SLA: variants seen among roughly 807,000 people sequenced by gnomAD.
SLA encodes the protein src-like-adapter.
A neutral mutation model predicts 30.3 loss-of-function variants in SLA; 16 were observed. The observed-to-expected ratio is 0.53, with a 90% CI of 0.36 to 0.80. The LOEUF (loss-of-function observed/expected upper bound fraction) is 0.80. Ranked by LOEUF, SLA falls within the 30% of genes least tolerant of loss-of-function variation. The pLI is 0.01. For synonymous variants in SLA, 143 were observed against 137.8 expected (o/e 1.04, Z -0.26); for missense variants, 310 against 345.2 (o/e 0.90, Z 0.81).
chr8:133,051,095 G>C (rs1033367547), intron 3 of SLA, among the ~76,000 whole-genome samples, 180 bp from the exon 4 acceptor site: 1 of 152,200 alleles, frequency 6.6e-6, no homozygotes, highest in Non-Finnish European at 1.5e-5. Context: ...CAGGGTGTGC[G>C]TACGAGCCCT....
At chr8:133,085,377 T>G (rs531536649) in intron 1 of SLA, among the ~76,000 whole-genome samples, 5 of 152,268 alleles carry the variant, frequency 3.3e-5, no homozygotes, top group Admixed American at 6.5e-5. Context: ...ATTTAAAAAA[T>G]TCTGTGCTCC....
chr8:133,076,224 T>G (rs879109861), intron 1 of SLA: 2 of 152,216 alleles, frequency 1.3e-5, no homozygotes, highest in Non-Finnish European at 2.9e-5. Context: ...TTGAGTGATC[T>G]GTCCACAGTC....
At chr8:133,073,101 C>T (rs1175378615) in intron 2 of SLA, 1 of 152,176 alleles carries the variant, frequency 6.6e-6, no homozygotes, top group African/African-American at 2.4e-5. Context: ...AACTGGTCTT[C>T]TTTTTACAAG....
intron 2 of SLA, among the ~76,000 whole-genome samples, chr8:133,067,237 A>G (rs183386073): frequency 6.6e-6 from 1 of 152,270 alleles, no homozygotes; most frequent in East Asian, 1.9e-4. Flanking sequence ...CCCGTGACCC[A>G]CATAGTCCCC....
intron 1 of SLA, among the ~76,000 whole-genome samples, chr8:133,092,243 C>T (rs1211765868): frequency 6.6e-6 from 1 of 152,232 alleles, no homozygotes; most frequent in African/African-American, 2.4e-5. Context: ...GGCGCAGGCC[C>T]TGACTCCGAA....
chr8:133,055,568 G>A (rs1166531283), intron 3 of SLA, among the ~76,000 whole-genome samples: 1 of 152,084 alleles, frequency 6.6e-6, no homozygotes, highest in African/African-American at 2.4e-5. Context: ...GCTCTTTTCT[G>A]CCCAAGCCTT....
At chr8:133,057,789 A>AC (rs1169484390) in intron 3 of SLA, among the ~76,000 whole-genome samples, 23 of 150,834 alleles carry the variant, frequency 1.5e-4, no homozygotes, top group African/African-American at 5.1e-4. Flanking sequence ...AAAAAAAAAC[A>AC]AAAAAACAGA....
chr8:133,101,113 A>G (rs532333732), intron 1 of SLA, among the ~76,000 whole-genome samples: 1 of 151,996 alleles, frequency 6.6e-6, no homozygotes, highest in Non-Finnish European at 1.5e-5. Context: ...GGCTCTACCC[A>G]TTACCCTATC....
chr8:133,042,677 T>TC lies in SLA; in HGVS notation c.484+2306dup, dbSNP rs71574379. The stretch of plus-strand genomic sequence containing the variant: ...GGTGCACAATTCCTCTCATTCTGTG[T>TC]CTTTTTTTTTTTTTTTTTTTTTTTT... On this transcript the variant is annotated intron_variant, in intron 7 of 8. Coordinates refer to ENST00000338087, the MANE Select transcript of SLA (RefSeq NM_001045556.3). Among the ~76,000 whole-genome samples the TC allele has an allele frequency of 7.6e-5, 9 of 118,394 alleles. 1 individual carries two copies. Among genetic ancestry groups the TC allele is most frequent in the Non-Finnish European group, 1.2e-4 (7 of 58,030 alleles). The allele number at this position is 118,394 out of a possible 152,430, so 77.7% of individuals were successfully genotyped here. A position where few individuals can be genotyped will look rare whatever the true frequency, so the allele number is the denominator to read the frequency against.
chr8:133,060,473 G>A, intron 2 of SLA: 1 of 1,044,456 alleles, frequency 9.6e-7, no homozygotes. Context: ...CACCCTTGCT[G>A]AGGATGGTAA....
intron 1 of SLA, 90 bp from the exon 2 acceptor site, chr8:133,075,220 G>A (rs1363481489): frequency 5.6e-6 from 4 of 716,258 alleles, no homozygotes; most frequent in Non-Finnish European, 6.8e-6. Context: ...CAGAAGCTTG[G>A]TCTTCTTTCT....
intron 2 of SLA, among the ~76,000 whole-genome samples, chr8:133,062,182 G>A (rs546238228): frequency 1.2e-3 from 185 of 152,170 alleles, no homozygotes; most frequent in Non-Finnish European, 2.2e-3. Flanking sequence ...TTTGAGGCTC[G>A]GGCCCTTCTT....
At position 133,037,427 on chromosome 8, in the gene SLA, C is replaced by G. The variant is rs1837295426; in HGVS notation, c.*1097G>C. The stretch of plus-strand genomic sequence containing the variant: ...TTAATTCTTTAGACTGTATCCATTT[C>G]TTTTCTAAAAAATCCAGCTATTCTT... On this transcript the variant is annotated 3_prime_UTR_variant, in exon 9 of 9. Transcript: ENST00000338087. 6.6e-6 allele frequency: 1 copy of G among 152,138 alleles called. No individual in the cohort carries two copies. Among genetic ancestry groups the G allele is most frequent in the African/African-American group, 2.4e-5 (1 of 41,420 alleles). 9.4% of individuals were successfully genotyped at this position (152,138 alleles called of 1,614,324 possible).
intron 3 of SLA, chr8:133,059,207 G>A: frequency 6.7e-6 from 3 of 449,682 alleles, no homozygotes; most frequent in South Asian, 1.6e-5. Flanking sequence ...GAGGAAATGG[G>A]ACACCAGGCC....
Position 133,040,821 on chromosome 8 carries a change from G to A in SLA, c.485-691C>T, listed in dbSNP as rs75018833. On this transcript the variant is annotated intron_variant, in intron 7 of 8. Coordinates refer to ENST00000338087, the MANE Select transcript of SLA (RefSeq NM_001045556.3). The stretch of plus-strand genomic sequence containing the variant: ...GGAGGGAAGAGAAAACAAAGATAAA[G>A]AGGGCAAAGAGAATGCAGACAAAGA... 6.8e-3 allele frequency among the ~76,000 whole-genome samples: 1,033 copies of A among 152,278 alleles called. 14 individuals carry two copies. The highest frequency in any genetic ancestry group is 0.02 in the African/African-American group (835 of 41,550).
At chr8:133,100,333 C>T (rs1490619459) in intron 1 of SLA, among the ~76,000 whole-genome samples, 2 of 152,208 alleles carry the variant, frequency 1.3e-5, no homozygotes, top group Non-Finnish European at 2.9e-5. Flanking sequence ...CACCCTACCC[C>T]AGCACTCAAA....
chr8:133,075,204 G>A, intron 1 of SLA, 74 bp from the exon 2 acceptor site: 1 of 840,356 alleles, frequency 1.2e-6, no homozygotes, highest in Non-Finnish European at 1.4e-6. Context: ...CTGGATTCTG[G>A]AATTTCAGAA....
intron 7 of SLA, among the ~76,000 whole-genome samples, chr8:133,042,678 C>CCTTTTTTTTTTTTTTTTTTTTTTTT (rs1554706932): frequency 1.8e-5 from 1 of 56,732 alleles, no homozygotes. Flanking sequence ...CATTCTGTGT[C>CCTTTTTTTTTTTTTTTTTTTTTTTT]TTTTTTTTTT....
intron 3 of SLA, among the ~76,000 whole-genome samples, chr8:133,051,149 C>T (rs1840336433): frequency 6.6e-6 from 1 of 152,174 alleles, no homozygotes; most frequent in Non-Finnish European, 1.5e-5. Context: ...TGCCTTGGCC[C>T]TCATGTTCTC....
Sources: allele counts gnomAD v4.1 joint callset (sites outside exome capture counted in the v4.1 genomes callset), GRCh38; gene constraint gnomAD v4.1.1; transcripts MANE v1.5; gene names NCBI Gene and HGNC (gene_info 2026-07-23, HGNC 2026-07-21).